CUZD1: variants seen among roughly 807,000 people sequenced by gnomAD.
CUZD1 encodes the protein CUB and zona pellucida-like domain-containing protein 1.
CUZD1 carries 42 observed loss-of-function variants against 53.1 expected under a neutral mutation model. That is an observed-to-expected ratio of 0.79 (90% CI 0.62 to 1.02). CUZD1 has a LOEUF of 1.02. Ranked by LOEUF, CUZD1 falls within the 50% of genes least tolerant of loss-of-function variation. The pLI, the probability that CUZD1 is intolerant of heterozygous loss-of-function variation, is 0.00. For synonymous variants in CUZD1, 238 were observed against 257.2 expected, an observed-to-expected ratio of 0.93 and a Z score of 0.71; for missense variants, 670 against 715.7, an observed-to-expected ratio of 0.94 and a Z score of 0.73.
intron 5 of CUZD1, 64 bp from the exon 6 acceptor site, chr10:122,836,414 G>A: frequency 7.4e-7 from 1 of 1,353,576 alleles, no homozygotes; most frequent in Non-Finnish European, 9.9e-7. Context: ...GTTGGATCTT[G>A]AAGAGCTACG....
At position 122,841,292 on chromosome 10, in the gene CUZD1, T is replaced by C. The variant is rs909541909; in HGVS notation, c.119A>G (p.Asn40Ser). The C allele has an allele frequency of 5.6e-6, 9 of 1,613,734 alleles. No individual in the cohort carries two copies. The highest frequency in any genetic ancestry group is 5.3e-5 in the African/African-American group (4 of 74,920). The change falls in exon 2 of 9, where the codon AAT becomes AGT. Residue 40 changes from asparagine (N) to serine (S), a missense_variant. Coordinates refer to ENST00000392790, the MANE Select transcript of CUZD1 (RefSeq NM_022034.6). ...ASCTVSLGGA[N>S]MAETHKAMIL... ...CATGGCTTTGTGGGTCTCTGCCATA[T>C]TGGCACCCCCTAGACTGACTGTGCA...
chr10:122,845,811 G>C lies in CUZD1; in HGVS notation c.33C>G (p.Thr11=). ...CCGCCAAACAGGAGAGAATTAAGAG[G>C]GTCAATGGCATGAGCCTTCTTACAA... is the stretch of plus-strand genomic sequence containing the variant. MELVRRLMPL[T]LLILSCLAEL... The change falls in exon 1 of 9, where the codon ACC becomes ACG. Residue 11 remains threonine, a synonymous_variant. Transcript: ENST00000392790. 6.2e-7 allele frequency: 1 copy of C among 1,614,080 alleles called. No homozygotes were observed. The highest frequency in any genetic ancestry group is 1.7e-5 in the Admixed American group (1 of 60,020).
At chr10:122,843,806 C>CAT (rs1376406613) in intron 1 of CUZD1, among the ~76,000 whole-genome samples, 5 of 127,956 alleles carry the variant, frequency 3.9e-5, no homozygotes, top group African/African-American at 1.7e-4. Context: ...CATATATATA[C>CAT]ATACATATAT....
intron 2 of CUZD1, among the ~76,000 whole-genome samples, chr10:122,839,628 T>C (rs1393063732): frequency 6.6e-6 from 1 of 152,214 alleles, no homozygotes; most frequent in Admixed American, 6.5e-5. Flanking sequence ...ACTCTTCTTC[T>C]TCCATAGCCA....
At chr10:122,837,282 T>C (rs1847268756) in intron 4 of CUZD1, 122 bp downstream of exon 4, 1 of 1,052,336 alleles carries the variant, frequency 9.5e-7, no homozygotes, top group East Asian at 2.5e-5. Flanking sequence ...CCTTTCTACA[T>C]CAATTCTTTG....
intron 5 of CUZD1, 85 bp downstream of exon 5, chr10:122,836,746 C>A: frequency 9.5e-7 from 1 of 1,056,952 alleles, no homozygotes; most frequent in South Asian, 1.4e-5. Context: ...ATAGGAATAG[C>A]CACAGGTAGG....
rs565610081 is a variant in CUZD1, at chr10:122,845,773, G to T, written c.71C>A (p.Ala24Glu). 2.6e-5 allele frequency: 42 copies of T among 1,613,420 alleles called. No individual in the cohort carries two copies. In the Middle Eastern group the frequency reaches 9.9e-4, roughly 38 times the overall value. The change falls in exon 1 of 9, where the codon GCG becomes GAG. Residue 24 changes from alanine (A) to glutamate (E), a missense_variant. Transcript: ENST00000392790. ...ILSCLAELTMAEAEGNASCTV... is the reference protein window; with the variant it reads ...ILSCLAELTMEEAEGNASCTV... ...TTCAATTTTCTTACCTTCAGCCTCC[G>T]CCATTGTCAGCTCCGCCAAACAGGA... is the stretch of plus-strand genomic sequence containing the variant.
chr10:122,837,581 A>G lies in CUZD1; in HGVS notation c.449-27T>C, dbSNP rs776159035. ...TGAAATGGATGTGAAGGTGGTCAAG[A>G]ATGAACATCAAAATAGAGACTGCTT... On this transcript the variant is annotated intron_variant, in intron 3 of 8. Coordinates refer to ENST00000392790, the MANE Select transcript of CUZD1 (RefSeq NM_022034.6). 11 of 1,530,382 alleles carry G rather than the reference A, an allele frequency of 7.2e-6. No homozygotes were observed. In the East Asian group the frequency reaches 2.5e-4, roughly 35 times the overall value. 94.8% of individuals were successfully genotyped at this position (1,530,382 alleles called of 1,614,324 possible).
chr10:122,835,089 ATCT>A lies in CUZD1; in HGVS notation c.996_998del (p.Glu332del), dbSNP rs1382533532. The A allele has an allele frequency of 9.6e-6, 15 of 1,561,332 alleles. No individual in the cohort carries two copies. Among genetic ancestry groups the A allele is most frequent in the Non-Finnish European group, 1.2e-5 (14 of 1,153,946 alleles). On this transcript the variant is annotated inframe_deletion, in exon 7 of 9. Coordinates refer to ENST00000392790, the MANE Select transcript of CUZD1 (RefSeq NM_022034.6). ...TTATATTGGTGTAAGTAATTGACTGATCTTCTACCTGCAGAACGAGATAGAATT... is the reference window on the plus strand; with the variant it reads ...TTATATTGGTGTAAGTAATTGACTGATCTACCTGCAGAACGAGATAGAATT...
rs998313360 is a variant in CUZD1, at chr10:122,841,272, C to A, written c.139G>T (p.Ala47Ser). 5 of 1,614,026 alleles carry A rather than the reference C, an allele frequency of 3.1e-6. No individual in the cohort carries two copies. The highest frequency in any genetic ancestry group is 4.2e-6 in the Non-Finnish European group (5 of 1,179,938). ...GGANMAETHKAMILQLNPSEN... is the reference protein window; with the variant it reads ...GGANMAETHKSMILQLNPSEN... ...CTGGGATTGAGTTGCAGGATCATGGCTTTGTGGGTCTCTGCCATATTGGCA... is the reference window on the plus strand; with the variant it reads ...CTGGGATTGAGTTGCAGGATCATGGATTTGTGGGTCTCTGCCATATTGGCA... The change falls in exon 2 of 9, where the codon GCC becomes TCC. Residue 47 changes from alanine to serine, a missense_variant. Transcript: ENST00000392790.
intron 2 of CUZD1, among the ~76,000 whole-genome samples, chr10:122,840,416 G>A (rs191292249): frequency 2.0e-5 from 3 of 152,054 alleles, no homozygotes; most frequent in Admixed American, 6.5e-5. Context: ...TGGGACAGGC[G>A]TAAGAGGGGG....
chr10:122,845,701 G>T (rs1481863314), intron 1 of CUZD1, 61 bp downstream of exon 1: 19 of 1,453,816 alleles, frequency 1.3e-5, no homozygotes, highest in Non-Finnish European at 1.8e-5. Context: ...AATTTTGAAA[G>T]AGGCCTCTTA....
intron 6 of CUZD1, among the ~76,000 whole-genome samples, chr10:122,835,765 G>GC (rs1847239691): frequency 1.3e-5 from 2 of 151,948 alleles, no homozygotes; most frequent in African/African-American, 2.4e-5. Flanking sequence ...TGTTTAAATG[G>GC]GTTTTTTTAA....
Position 122,841,224 on chromosome 10 carries a change from C to T in CUZD1, c.187G>A (p.Glu63Lys). The T allele has an allele frequency of 6.2e-7, 1 of 1,613,918 alleles. No homozygotes were observed. Among genetic ancestry groups the T allele is most frequent in the Non-Finnish European group, 8.5e-7 (1 of 1,179,902 alleles). ...CTGATGCTTTTGTTTTCTGGTCTTT[C>T]TATTGTCCAGGTGCAGTTCTCACTG... ...NPSENCTWTI[E>K]RPENKSIRII... The change falls in exon 2 of 9, where the codon GAA becomes AAA. Residue 63 changes from glutamate (E) to lysine (K), a missense_variant. By Grantham distance (56) the Glu-to-Lys change is moderately conservative (BLOSUM62 1). Coordinates refer to ENST00000392790, the MANE Select transcript of CUZD1 (RefSeq NM_022034.6).
chr10:122,844,351 T>C (rs1566239693), intron 1 of CUZD1, among the ~76,000 whole-genome samples: 1 of 152,094 alleles, frequency 6.6e-6, no homozygotes. Flanking sequence ...CAGTTTCTTT[T>C]GGGGGTGAAG....
intron 6 of CUZD1, 140 bp from the exon 7 acceptor site, chr10:122,835,237 C>T (rs775352967): frequency 2.4e-5 from 12 of 507,714 alleles, no homozygotes; most frequent in Non-Finnish European, 2.0e-5. Flanking sequence ...ATACTATAAA[C>T]CTTAAATGTA....
chr10:122,844,280 C>T (rs1165737873), intron 1 of CUZD1, among the ~76,000 whole-genome samples: 1 of 152,056 alleles, frequency 6.6e-6, no homozygotes, highest in African/African-American at 2.4e-5. Context: ...AAGCAATGCT[C>T]CCATGTCAGC....
At position 122,839,279 on chromosome 10, in the gene CUZD1, G is replaced by A. The variant is rs1847299885; in HGVS notation, c.234-48C>T. 1.9e-6 allele frequency: 3 copies of A among 1,552,140 alleles called. No homozygotes were observed. The Admixed American group carries it at 5.1e-5, about 26-fold the overall frequency. On this transcript the variant is annotated intron_variant, in intron 2 of 8. Coordinates refer to ENST00000392790, the MANE Select transcript of CUZD1 (RefSeq NM_022034.6). ...GCTGAAGAAGTGTCACAAGCAAAGGGGGTTTGCAGAGCAGTCAATTGCTCA... is the reference window on the plus strand; with the variant it reads ...GCTGAAGAAGTGTCACAAGCAAAGGAGGTTTGCAGAGCAGTCAATTGCTCA...
intron 1 of CUZD1, among the ~76,000 whole-genome samples, chr10:122,844,200 A>AT (rs1008770909): frequency 1.3e-5 from 2 of 149,480 alleles, no homozygotes. Flanking sequence ...GGCTAAAAAA[A>AT]TTTTTTTTTT....
Sources: allele counts gnomAD v4.1 joint callset (sites outside exome capture counted in the v4.1 genomes callset), GRCh38; gene constraint gnomAD v4.1.1; transcripts MANE v1.5; gene names NCBI Gene and HGNC (gene_info 2026-07-23, HGNC 2026-07-21).